Variants in NBPF20 observed in about 807,000 individuals in gnomAD.
NBPF20 encodes NBPF member 20.
A neutral mutation model predicts 68.1 loss-of-function variants in NBPF20; 90 were observed. That is an observed-to-expected ratio of 1.32 (90% CI 1.11 to 1.58). The LOEUF is 1.58. Among genes scored for constraint, NBPF20 ranks in the 40% most tolerant of loss-of-function variants. The pLI is 0.00. For synonymous variants in NBPF20, 290 were observed against 228.1 expected (o/e 1.27, Z -2.45); for missense variants, 816 against 601.2 (o/e 1.36, Z -3.74).
chr1:145,291,130 G>C (rs1661042317), exon 138 of NBPF20: 1 of 331,486 alleles, frequency 3.0e-6, no homozygotes, highest in South Asian at 3.2e-5. Context: ...AATGAGGTTA[G>C]GTTCATTGAA....
upstream of NBPF20, chr1:145,405,870 T>A (rs1478948336): frequency 2.6e-5 from 5 of 193,268 alleles, no homozygotes; most frequent in Admixed American, 2.7e-4. Flanking sequence ...AGTCATGAAG[T>A]CATAAATAAA....
At chr1:145,291,760 G>A (rs782709439) in exon 138 of NBPF20, 57 of 1,611,688 alleles carry the variant, frequency 3.5e-5, no homozygotes, top group Middle Eastern at 2.2e-4. Flanking sequence ...CCATCAGCAC[G>A]CCGTTGAGCC....
chr1:145,400,302 A>C, intron 6 of NBPF20, 87 bp downstream of exon 11: 1 of 1,599,056 alleles, frequency 6.3e-7, no homozygotes, highest in Non-Finnish European at 8.5e-7. Context: ...TTTTATTCAA[A>C]TGAATTTGTG....
chr1:145,352,268 G>T (rs1661654714), intron 61 of NBPF20, among the ~76,000 whole-genome samples, 179 bp from the exon 67 acceptor site: 1 of 77,992 alleles, frequency 1.3e-5, no homozygotes, highest in South Asian at 5.3e-4. Flanking sequence ...GGAAAAGAAT[G>T]AAAGAGAAAG....
the NBPF20 span, among the ~76,000 whole-genome samples, chr1:145,412,312 G>C: frequency 7.9e-5 from 12 of 152,138 alleles, no homozygotes; most frequent in Admixed American, 7.9e-4. Flanking sequence ...TTTGTCTACT[G>C]TGTCCAGACA....
exon 6 of NBPF20, chr1:145,400,446 T>A (rs1553665010): frequency 5.0e-6 from 8 of 1,612,648 alleles, no homozygotes; most frequent in South Asian, 3.3e-5. Flanking sequence ...CCAATCAGAG[T>A]TGAGTCGACT....
exon 1 of NBPF20, chr1:145,405,562 C>T (rs1303367604): frequency 2.0e-6 from 2 of 979,808 alleles, no homozygotes; most frequent in Non-Finnish European, 3.0e-6. Context: ...GCCAGGTAAC[C>T]GTCTGCAGTT....
chr1:145,405,329 A>G (rs1471094801), intron 1 of NBPF20, 22 bp from the exon 7 acceptor site: 2 of 1,499,530 alleles, frequency 1.3e-6, no homozygotes, highest in Non-Finnish European at 1.8e-6. Context: ...AAACCCAAAC[A>G]TATGATGGGT....
exon 138 of NBPF20, chr1:145,291,719 G>A (rs782739503): frequency 3.1e-6 from 5 of 1,611,848 alleles, no homozygotes; most frequent in South Asian, 1.1e-5. Flanking sequence ...TCCATCCAGT[G>A]AGTCCTGTAA....
chr1:145,289,962 A>ATATT (rs1428275450), exon 138 of NBPF20: 1 of 139,756 alleles, frequency 7.2e-6, no homozygotes, highest in Non-Finnish European at 1.5e-5. Context: ...GCATAATCAA[A>ATATT]TATTATAACA....
intron 137 of NBPF20, among the ~76,000 whole-genome samples, chr1:145,292,152 A>T (rs1661155787): frequency 6.7e-6 from 1 of 149,958 alleles, no homozygotes; most frequent in East Asian, 1.9e-4. Context: ...TGCAGTGGCC[A>T]TGAGAGTACA....
intron 136 of NBPF20, among the ~76,000 whole-genome samples, chr1:145,292,745 A>G (rs1661220271): frequency 7.6e-6 from 1 of 132,332 alleles, no homozygotes; most frequent in Admixed American, 7.6e-5. Context: ...TTGTGCAAAC[A>G]GTTATGCCAT....
intron 2 of NBPF20, among the ~76,000 whole-genome samples, chr1:145,403,614 C>T (rs1163317293): frequency 9.9e-5 from 15 of 152,270 alleles, no homozygotes; most frequent in Admixed American, 2.6e-4. Context: ...ACTCTGAATG[C>T]GGGGCCACTT....
chr1:145,366,223 A>T lies in NBPF20; in HGVS notation c.5283T>A (p.Tyr1761Ter). 5 of 99,522 alleles carry T rather than the reference A, an allele frequency of 5.0e-5. No individual in the cohort carries two copies. Among genetic ancestry groups the T allele is most frequent in the Non-Finnish European group, 6.7e-5 (4 of 59,796 alleles). 6.2% of individuals were successfully genotyped at this position (99,522 alleles called of 1,614,324 possible). The change falls in exon 44 of 138, where the codon TAT (tyrosine) becomes TAA (stop). Residue 1761 changes from tyrosine (Y) to a stop codon, truncating the protein, a stop_gained. Coordinates refer to ENST00000369373, the Ensembl canonical transcript of NBPF20. LOFTEE classifies it high-confidence loss of function. The stretch of plus-strand genomic sequence containing the variant: ...AGCCAACATGTTTTTCCTCCAATGC[A>T]TAAAAGGAACTTCCATAGGGCTGGC...
chr1:145,393,825 G>T (rs1662068931), intron 9 of NBPF20, 59 bp downstream of exon 14: 6 of 1,263,438 alleles, frequency 4.7e-6, no homozygotes, highest in African/African-American at 1.5e-5. Flanking sequence ...TGTTTTCCCT[G>T]GACTTGGCAT....
At chr1:145,291,404 G>A (rs1553657457) in exon 138 of NBPF20, 1 of 1,597,038 alleles carries the variant, frequency 6.3e-7, no homozygotes, top group African/African-American at 1.4e-5. Flanking sequence ...TAGGAATACA[G>A]CCATGCCCAC....
rs1662072109 is a variant in NBPF20 at position 145,393,883 on chromosome 1, C to T, written c.1043+1G>A. ...AACTCTCCACAATTTCTCAGACTCA[C>T]CTGGGACCTGTTGCCTCTTGGTCCT... is the stretch of plus-strand genomic sequence containing the variant. On this transcript the variant is annotated splice_donor_variant, in intron 9 of 137. Transcript: ENST00000369373. LOFTEE classifies it high-confidence loss of function. 7 of 1,547,078 alleles carry T rather than the reference C, an allele frequency of 4.5e-6. No individual in the cohort carries two copies. The South Asian group carries it at 5.6e-5, about 12-fold the overall frequency.
chr1:145,292,139 C>T lies in NBPF20; in HGVS notation c.16697+242G>A, dbSNP rs587756684. On this transcript the variant is annotated intron_variant, in intron 137 of 137. Transcript: ENST00000369373. Reference sequence around the variant, plus strand: ...TTTTCCATAAAATATGCTCAAAATTCGATGCAGTGGCCATGAGAGTACAGC... The same window carrying T: ...TTTTCCATAAAATATGCTCAAAATTTGATGCAGTGGCCATGAGAGTACAGC... Among the ~76,000 whole-genome samples the T allele has an allele frequency of 2.9e-4, 44 of 149,790 alleles. No homozygotes were observed. The Middle Eastern group carries it at 0.01, about 35-fold the overall frequency.
intron 137 of NBPF20, 49 bp downstream of exon 142, chr1:145,292,332 C>T (rs782595412): frequency 9.4e-6 from 6 of 641,036 alleles, no homozygotes; most frequent in East Asian, 2.5e-5. Flanking sequence ...GAATCTGTTG[C>T]CTCCAGGTGT....
Sources: gnomAD v4.1 joint callset for allele counts (sites outside exome capture counted in the v4.1 genomes callset) on GRCh38, gnomAD v4.1.1 for gene constraint, MANE v1.5 for transcripts, NCBI Gene and HGNC (gene_info 2026-07-23, HGNC 2026-07-21) for gene names.